SLC14A2: variants seen among roughly 807,000 people sequenced by gnomAD.
SLC14A2 encodes solute carrier family 14 member 2, also known as urea transporter 2.
In SLC14A2, 91 loss-of-function variants were observed where a neutral mutation model predicts 104.6. The ratio of observed to expected loss-of-function variants is 0.87; its 90% CI spans 0.73 to 1.04. The LOEUF (loss-of-function observed/expected upper bound fraction) is 1.04, where lower values mean the gene tolerates loss of function less well. SLC14A2 is among the 50% of genes least tolerant of loss of function. SLC14A2 has a pLI of 0.00. For missense variants in SLC14A2, 1,189 were observed against 1,156.0 expected (o/e 1.03, Z -0.41); for synonymous variants, 476 against 466.4 (o/e 1.02, Z -0.27).
chr18:45,637,635 C>G (rs2045442862), intron 6 of SLC14A2, among the ~76,000 whole-genome samples: 1 of 152,176 alleles, frequency 6.6e-6, no homozygotes, highest in South Asian at 2.1e-4. Context: ...TTTATATACT[C>G]TCTCTCTTAG....
chr18:45,616,101 G>T (rs1464605908), intron 1 of SLC14A2, among the ~76,000 whole-genome samples: 1 of 152,136 alleles, frequency 6.6e-6, no homozygotes, highest in Non-Finnish European at 1.5e-5. Context: ...GCTGAAAATT[G>T]TCTTGGGCAC....
At chr18:45,495,975 C>G (rs1031477030) in intron 2 of SLC14A2, among the ~76,000 whole-genome samples, 1 of 152,204 alleles carries the variant, frequency 6.6e-6, no homozygotes, top group Non-Finnish European at 1.5e-5. Context: ...TTCATGTGAG[C>G]AAAGGCCTCA....
intron 2 of SLC14A2, among the ~76,000 whole-genome samples, chr18:45,585,598 A>T (rs1187982911): frequency 3.3e-5 from 5 of 152,202 alleles, no homozygotes; most frequent in Non-Finnish European, 4.4e-5. Context: ...TACCTGAATT[A>T]CCCACCCTGC....
At chr18:45,306,310 T>C (rs1446817074) in intron 1 of SLC14A2, among the ~76,000 whole-genome samples, 2 of 152,180 alleles carry the variant, frequency 1.3e-5, no homozygotes, top group East Asian at 3.9e-4. Context: ...TCATATCATC[T>C]TTTCACCTCA....
intron 1 of SLC14A2, among the ~76,000 whole-genome samples, chr18:45,290,545 T>C (rs759250956): frequency 1.3e-5 from 2 of 152,160 alleles, no homozygotes; most frequent in African/African-American, 4.8e-5. Flanking sequence ...AATGAGACTT[T>C]AGGGCTGTGC....
intron 1 of SLC14A2, among the ~76,000 whole-genome samples, chr18:45,415,152 G>C (rs1168937931): frequency 6.6e-6 from 1 of 152,020 alleles, no homozygotes; most frequent in Non-Finnish European, 1.5e-5. Flanking sequence ...AAATTTCTTG[G>C]TCAGGATATT....
intron 2 of SLC14A2, among the ~76,000 whole-genome samples, chr18:45,564,156 G>T: frequency 6.6e-6 from 1 of 152,242 alleles, no homozygotes; most frequent in South Asian, 2.1e-4. Flanking sequence ...CAAGATGAAT[G>T]GTGCATATAT....
At chr18:45,372,836 T>A (rs745807025) in intron 1 of SLC14A2, among the ~76,000 whole-genome samples, 5 of 152,246 alleles carry the variant, frequency 3.3e-5, no homozygotes, top group Non-Finnish European at 7.3e-5. Flanking sequence ...ATTTCAAGAA[T>A]ATCGTGTATT....
the SLC14A2 span, among the ~76,000 whole-genome samples, chr18:45,178,180 A>G: frequency 6.6e-6 from 1 of 152,196 alleles, no homozygotes; most frequent in Non-Finnish European, 1.5e-5. Context: ...TAAAACACTT[A>G]AAGCAATAGT....
At chr18:45,329,388 C>G (rs1429012320) in intron 1 of SLC14A2, among the ~76,000 whole-genome samples, 2 of 152,138 alleles carry the variant, frequency 1.3e-5, no homozygotes, top group East Asian at 3.9e-4. Context: ...TAGAGTGATC[C>G]CTGTCCTCCT....
At chr18:45,505,118 G>C (rs1160017363) in intron 2 of SLC14A2, among the ~76,000 whole-genome samples, 1 of 152,192 alleles carries the variant, frequency 6.6e-6, no homozygotes, top group Non-Finnish European at 1.5e-5. Flanking sequence ...CCTATGATGA[G>C]TAAACAGCAA....
At chr18:45,589,646 G>C (rs1417398700) in intron 2 of SLC14A2, among the ~76,000 whole-genome samples, 7 of 152,164 alleles carry the variant, frequency 4.6e-5, no homozygotes. Context: ...CAGATGCAGG[G>C]CTTCAGCCTC....
intron 2 of SLC14A2, among the ~76,000 whole-genome samples, chr18:45,586,806 C>T (rs1830927076): frequency 6.6e-6 from 1 of 152,080 alleles, no homozygotes; most frequent in African/African-American, 2.4e-5. Context: ...CCACAGACCA[C>T]ACCCTTCCCA....
chr18:45,545,322 G>C (rs2043953574), intron 2 of SLC14A2, among the ~76,000 whole-genome samples: 1 of 152,166 alleles, frequency 6.6e-6, no homozygotes, highest in Non-Finnish European at 1.5e-5. Context: ...GGAAGCTGCT[G>C]GTGCTGTCTT....
At chr18:45,346,284 T>G (rs1222551830) in intron 1 of SLC14A2, among the ~76,000 whole-genome samples, 2 of 152,184 alleles carry the variant, frequency 1.3e-5, no homozygotes, top group Non-Finnish European at 1.5e-5. Flanking sequence ...GCCTCCTGAA[T>G]AGCTGGGATT....
intron 1 of SLC14A2, among the ~76,000 whole-genome samples, chr18:45,480,595 C>G (rs1466821217): frequency 1.3e-5 from 2 of 152,204 alleles, no homozygotes; most frequent in Non-Finnish European, 2.9e-5. Flanking sequence ...GCTCTTTCTT[C>G]CAAACAAGCA....
intron 2 of SLC14A2, among the ~76,000 whole-genome samples, chr18:45,541,351 C>A (rs1302287993): frequency 1.3e-5 from 2 of 152,222 alleles, no homozygotes; most frequent in Non-Finnish European, 2.9e-5. Flanking sequence ...TCTCCCAAAC[C>A]AAGACCATCG....
Position 45,414,744 on chromosome 18 carries a change from T to TAAAA in SLC14A2, c.-124-68478_-124-68475dup, listed in dbSNP as rs531366886. On this transcript the variant is annotated intron_variant, in intron 1 of 20. Transcript: ENST00000586448. ...CAGGTGCGGTGCAAGGCACCGAGCG[T>TAAAA]AAAAAAAAAAAAAATATATATATAT... is the stretch of plus-strand genomic sequence containing the variant. Among the ~76,000 whole-genome samples the TAAAA allele has an allele frequency of 3.8e-3, 197 of 52,266 alleles. 14 individuals carry two copies. The highest frequency in any genetic ancestry group is 0.017 in the African/African-American group (144 of 8,454). 34.3% of individuals were successfully genotyped at this position (52,266 alleles called of 152,430 possible).
chr18:45,495,469 C>T (rs1218071874), intron 2 of SLC14A2, among the ~76,000 whole-genome samples: 1 of 152,180 alleles, frequency 6.6e-6, no homozygotes, highest in Non-Finnish European at 1.5e-5. Context: ...AAATGCCACC[C>T]AGCCACCCGG....
Sources: allele counts gnomAD v4.1 joint callset (sites outside exome capture counted in the v4.1 genomes callset), GRCh38; gene constraint gnomAD v4.1.1; transcripts MANE v1.5; gene names NCBI Gene and HGNC (gene_info 2026-07-23, HGNC 2026-07-21).